The following ADAMTSL1 variants were observed in gnomAD, a reference collection of about 807,000 sequenced individuals.
The protein encoded by ADAMTSL1 is ADAMTS-like protein 1.
In ADAMTSL1, 126 loss-of-function variants were observed where a neutral mutation model predicts 201.8. The observed-to-expected ratio is 0.62, with a 90% CI of 0.54 to 0.72. ADAMTSL1 has a LOEUF of 0.72. Among genes scored for constraint, ADAMTSL1 ranks in the 30% least tolerant of loss-of-function variants. The pLI, the probability that ADAMTSL1 is intolerant of heterozygous loss-of-function variation, is 0.00. For missense variants in ADAMTSL1, 2,679 were observed against 2,277.8 expected (o/e 1.18, Z -3.59); for synonymous variants, 1,121 against 903.4 (o/e 1.24, Z -4.32).
chr9:18,277,001 G>T (rs1832612138), intron 2 of ADAMTSL1, among the ~76,000 whole-genome samples: 1 of 152,066 alleles, frequency 6.6e-6, no homozygotes, highest in Non-Finnish European at 1.5e-5. Context: ...TTTCTTCTTT[G>T]ACCGATTGGC....
rs1564115777 is a variant in ADAMTSL1 at position 18,647,374 on chromosome 9, T to TTC, written c.834+7963_834+7964insTC. 1.3e-4 allele frequency among the ~76,000 whole-genome samples: 19 copies of TTC among 151,372 alleles called. No homozygotes were observed. In the South Asian group the frequency reaches 3.8e-3, roughly 30 times the overall value. ...CATTAATTTTTTGAAGGGTTTTTTT[T>TTC]CCCCCATTTCCTTCAGTTCTGCTCT... is the stretch of plus-strand genomic sequence containing the variant. On this transcript the variant is annotated intron_variant, in intron 7 of 28. Transcript: ENST00000380548.
At chr9:18,491,096 GC>G (rs1246198739) in intron 1 of ADAMTSL1, among the ~76,000 whole-genome samples, 4 of 152,204 alleles carry the variant, frequency 2.6e-5, no homozygotes, top group Non-Finnish European at 5.9e-5. Flanking sequence ...GCTGATAGCA[GC>G]CGTGTGTGAA....
intron 1 of ADAMTSL1, among the ~76,000 whole-genome samples, chr9:18,027,753 A>G (rs912920147): frequency 3.9e-5 from 6 of 152,068 alleles, no homozygotes; most frequent in Admixed American, 1.3e-4. Flanking sequence ...TATAGAATTT[A>G]AGTCTGGAAC....
intron 2 of ADAMTSL1, among the ~76,000 whole-genome samples, chr9:18,363,077 T>C (rs1366453427): frequency 2.6e-5 from 4 of 152,200 alleles, no homozygotes; most frequent in Non-Finnish European, 5.9e-5. Flanking sequence ...CCTCTTTCAG[T>C]TTCACACCTA....
In ADAMTSL1 at chr9:18,816,668, A is replaced by G. The variant is rs115275199; in HGVS notation, c.3806-441A>G. On this transcript the variant is annotated intron_variant, in intron 20 of 28. Transcript: ENST00000380548. ...TTAATTTAATGATTAGAATGCATAA[A>G]TCATCTCAATTTGTATAACATGCTC... Among the ~76,000 whole-genome samples, 773 of 150,190 alleles carry G rather than the reference A, an allele frequency of 5.1e-3. 5 individuals carry two copies. Among genetic ancestry groups the G allele is most frequent in the African/African-American group, 0.015 (629 of 40,738 alleles).
intron 14 of ADAMTSL1, among the ~76,000 whole-genome samples, chr9:18,713,123 C>G (rs986295482): frequency 6.6e-6 from 1 of 150,958 alleles, no homozygotes; most frequent in South Asian, 2.1e-4. Context: ...AAGGAACAAC[C>G]GGTACCAGCC....
At chr9:18,721,492 A>C (rs985833041) in intron 14 of ADAMTSL1, 44 bp from the exon 15 acceptor site, 2 of 1,605,702 alleles carry the variant, frequency 1.2e-6, no homozygotes, top group African/African-American at 1.3e-5. Flanking sequence ...CCCCACACAC[A>C]CACCCACTTT....
chr9:18,205,285 A>G (rs7047245), intron 2 of ADAMTSL1, among the ~76,000 whole-genome samples: 6,254 of 152,292 alleles, frequency 0.041, 217 homozygotes, highest in African/African-American at 0.093. Flanking sequence ...TAGTTTACCA[A>G]TTTAATTGAA....
At chr9:17,954,526 T>A (rs143710665) in intron 1 of ADAMTSL1, among the ~76,000 whole-genome samples, 1 of 152,222 alleles carries the variant, frequency 6.6e-6, no homozygotes, top group African/African-American at 2.4e-5. Context: ...TATACCTGCA[T>A]GACATTTTCA....
At chr9:18,439,317 C>A (rs1220665973) in intron 2 of ADAMTSL1, among the ~76,000 whole-genome samples, 3 of 152,162 alleles carry the variant, frequency 2.0e-5, no homozygotes, top group Non-Finnish European at 4.4e-5. Context: ...TGAGGACACC[C>A]AGTTTGGGGG....
At chr9:17,907,270 C>T (rs1032971533) in intron 1 of ADAMTSL1, among the ~76,000 whole-genome samples, 5 of 152,178 alleles carry the variant, frequency 3.3e-5, no homozygotes, top group African/African-American at 9.6e-5. Flanking sequence ...CCCACCCTTT[C>T]CGACAGTCCT....
chr9:18,405,491 T>C (rs1275681029), intron 2 of ADAMTSL1, among the ~76,000 whole-genome samples: 1 of 152,138 alleles, frequency 6.6e-6, no homozygotes, highest in Non-Finnish European at 1.5e-5. Flanking sequence ...AGGTTTGGCA[T>C]TGGGCCACCC....
chr9:18,644,288 T>C (rs1251067454), intron 7 of ADAMTSL1, among the ~76,000 whole-genome samples: 2 of 152,046 alleles, frequency 1.3e-5, no homozygotes, highest in Admixed American at 6.6e-5. Context: ...GCATTATATA[T>C]TAATTTAAGC....
chr9:18,159,914 T>C (rs1827312170), intron 1 of ADAMTSL1, among the ~76,000 whole-genome samples: 1 of 152,068 alleles, frequency 6.6e-6, no homozygotes. Context: ...GACTTTTGTT[T>C]TTATTTTTAA....
intron 2 of ADAMTSL1, among the ~76,000 whole-genome samples, chr9:18,210,819 A>T (rs1219441228): frequency 6.6e-6 from 1 of 151,716 alleles, no homozygotes; most frequent in South Asian, 2.1e-4. Flanking sequence ...TCTTTTCTTT[A>T]AATAGTAATT....
At chr9:18,696,865 A>ATATTATTAT (rs142242579) in intron 13 of ADAMTSL1, among the ~76,000 whole-genome samples, 3,554 of 142,220 alleles carry the variant, frequency 0.025, 84 homozygotes, top group East Asian at 0.1. Context: ...CATGTCAAAA[A>ATATTATTAT]TATTATTATT....
Position 18,406,323 on chromosome 9 carries a change from T to TCTTTTC in ADAMTSL1, c.208-98505_208-98500dup, listed in dbSNP as rs1554673624. On this transcript the variant is annotated intron_variant, in intron 2 of 29. Transcript: ENST00000680146. The stretch of plus-strand genomic sequence containing the variant: ...TCTTTTCTTTTCTTTTCTTTTCTTT[T>TCTTTTC]CTTTTCTTTTCTTTTCTTTTTTTGA... 4.0e-5 allele frequency among the ~76,000 whole-genome samples: 6 copies of TCTTTTC among 149,244 alleles called. 1 individual carries two copies. In the East Asian group the frequency reaches 1.2e-3, roughly 29 times the overall value.
intron 1 of ADAMTSL1, among the ~76,000 whole-genome samples, chr9:18,064,919 T>A (rs1206535569): frequency 6.8e-6 from 1 of 147,316 alleles, no homozygotes; most frequent in African/African-American, 2.5e-5. Flanking sequence ...ACACTGGTAT[T>A]CAAAAATTGA....
intron 2 of ADAMTSL1, among the ~76,000 whole-genome samples, chr9:18,322,419 G>T (rs531130871): frequency 5.9e-5 from 9 of 152,258 alleles, no homozygotes; most frequent in African/African-American, 1.9e-4. Flanking sequence ...GCTCATCTGA[G>T]GTCAGGAGTT....
Sources: allele counts gnomAD v4.1 joint callset (sites outside exome capture counted in the v4.1 genomes callset), GRCh38; gene constraint gnomAD v4.1.1; transcripts MANE v1.5; gene names NCBI Gene and HGNC (gene_info 2026-07-23, HGNC 2026-07-21).